The following SCN1B variants were observed in gnomAD, a reference collection of about 807,000 sequenced individuals.
SCN1B encodes the protein sodium channel regulatory subunit beta-1.
A neutral mutation model predicts 25.7 loss-of-function variants in SCN1B; 11 were observed. The observed-to-expected ratio is 0.43, with a 90% CI of 0.27 to 0.71. SCN1B has a LOEUF of 0.71. Among genes scored for constraint, SCN1B ranks in the 30% least tolerant of loss-of-function variants. The probability of loss-of-function intolerance (pLI) is 0.21; values close to 1 mark genes in which losing one functional copy is unlikely to be tolerated. For synonymous variants in SCN1B, 119 were observed against 117.5 expected (o/e 1.01, Z -0.08); for missense variants, 224 against 291.5 (o/e 0.77, Z 1.69).
At chr19:35,033,150 T>A (rs1222896456) in intron 2 of SCN1B, among the ~76,000 whole-genome samples, 1 of 152,108 alleles carries the variant, frequency 6.6e-6, no homozygotes, top group Non-Finnish European at 1.5e-5. Flanking sequence ...AGTTGGGGTC[T>A]CCAGCTGCTG....
chr19:35,040,051 G>A lies in SCN1B; in HGVS notation c.*260G>A, dbSNP rs986308220. 8.8e-6 allele frequency: 3 copies of A among 340,836 alleles called. No individual in the cohort carries two copies. The highest frequency in any genetic ancestry group is 6.2e-5 in the East Asian group (1 of 16,028). The allele number at this position is 340,836 out of a possible 1,614,324, so 21.1% of individuals were successfully genotyped here. A position where few individuals can be genotyped will look rare whatever the true frequency, so the allele number is the denominator to read the frequency against. ...CTGCCGCTGCCCCCACCCTGCTTCT[G>A]CTGCCTGTTTGGGGAGGGGGGCGGT... On this transcript the variant is annotated 3_prime_UTR_variant, in exon 6 of 6. Transcript: ENST00000262631.
chr19:35,039,449 C>A, intron 4 of SCN1B, 186 bp from the exon 5 acceptor site: 1 of 982,980 alleles, frequency 1.0e-6, no homozygotes. Flanking sequence ...TTCCTCCCTC[C>A]AACTCAGGAG....
Position 35,032,473 on chromosome 19 carries a change from GC to G in SCN1B, c.41-54del. ...GAACAGATGGTTTGTGAGGGGTCTG[GC>G]ATTGCTTAGGGCAATGGGTGCCTCT... On this transcript the variant is annotated intron_variant, in intron 1 of 5. Transcript: ENST00000262631. This position sits in a 1 kb window ranked among gnomAD's most constrained non-coding sequence, Gnocchi z 4.3. 4 of 1,593,318 alleles carry G rather than the reference GC, an allele frequency of 2.5e-6. No homozygotes were observed. The highest frequency in any genetic ancestry group is 3.4e-6 in the Non-Finnish European group (4 of 1,166,326).
chr19:35,039,806 C>CCCGCCTCAAGGAAGAGCCAG lies in SCN1B; in HGVS notation c.*19_*38dup. 3 of 1,261,018 alleles carry CCCGCCTCAAGGAAGAGCCAG rather than the reference C, an allele frequency of 2.4e-6. No individual in the cohort carries two copies. Among genetic ancestry groups the CCCGCCTCAAGGAAGAGCCAG allele is most frequent in the Non-Finnish European group, 3.4e-6 (3 of 887,362 alleles). 78.1% of individuals were successfully genotyped at this position (1,261,018 alleles called of 1,614,324 possible). ...TCTTGCTCCCCTTCAGGCCCTGGGC[C>CCCGCCTCAAGGAAGAGCCAG]CCGCCTCAAGGAAGAGCCAGCCGTA... On this transcript the variant is annotated 3_prime_UTR_variant, in exon 6 of 6. Coordinates refer to ENST00000262631, the MANE Select transcript of SCN1B (RefSeq NM_001037.5).
intron 4 of SCN1B, 88 bp downstream of exon 4, chr19:35,039,346 G>A: frequency 6.3e-7 from 1 of 1,576,762 alleles, no homozygotes; most frequent in Non-Finnish European, 8.6e-7. Flanking sequence ...CAGGGAGGAG[G>A]CAGCGGAGCG....
chr19:35,039,536 C>T (rs759144977), intron 4 of SCN1B, 99 bp from the exon 5 acceptor site: 13 of 1,214,520 alleles, frequency 1.1e-5, no homozygotes, highest in Admixed American at 9.0e-5. Context: ...ACTAAGGAGC[C>T]CTGTGTACCT....
At position 35,033,870 on chromosome 19, in the gene SCN1B, G is replaced by A. The variant is rs2151746593; in HGVS notation, c.448+131G>A. On this transcript the variant is annotated intron_variant, in intron 3 of 5. Transcript: ENST00000262631. Reference sequence around the variant, plus strand: ...CCAACCGCCCACAGCAGCGGGCTGAGGGGGAGGGGAGCAGCCCCTCCTGCC... The same window carrying A: ...CCAACCGCCCACAGCAGCGGGCTGAAGGGGAGGGGAGCAGCCCCTCCTGCC... 3 of 1,607,874 alleles carry A rather than the reference G, an allele frequency of 1.9e-6. No individual in the cohort carries two copies. Among genetic ancestry groups the A allele is most frequent in the African/African-American group, 2.7e-5 (2 of 74,898 alleles).
At chr19:35,034,340 G>A in intron 3 of SCN1B, 2 of 627,138 alleles carry the variant, frequency 3.2e-6, no homozygotes, top group Non-Finnish European at 2.7e-6. Flanking sequence ...AACACCTCTG[G>A]GGCGGGCCTA....
intron 3 of SCN1B, chr19:35,034,001 G>A (rs1388559964): frequency 1.3e-6 from 2 of 1,550,120 alleles, no homozygotes; most frequent in East Asian, 2.4e-5. Flanking sequence ...CACCTGTGCT[G>A]TATGACCTCT....
chr19:35,037,004 AC>A (rs1260616134), intron 3 of SCN1B: 1 of 152,104 alleles, frequency 6.6e-6, no homozygotes, highest in Non-Finnish European at 1.5e-5. Flanking sequence ...TGATTCACCC[AC>A]CTTGGCCTCC....
chr19:35,030,724 C>G lies in SCN1B; in HGVS notation c.-97C>G. ...GCCGCAGCTGCTGCGCCCGCGCGCT[C>G]CCGGGGACATTCTAACCGCCGCCAG... On this transcript the variant is annotated 5_prime_UTR_variant, in exon 1 of 6. Transcript: ENST00000262631. 5.2e-6 allele frequency: 2 copies of G among 386,476 alleles called. No individual in the cohort carries two copies. The highest frequency in any genetic ancestry group is 9.6e-6 in the Non-Finnish European group (2 of 208,546). 23.9% of individuals were successfully genotyped at this position (386,476 alleles called of 1,614,324 possible).
chr19:35,032,759 G>C lies in SCN1B; in HGVS notation c.207+65G>C, dbSNP rs2064222686. ...CCACGAGTGGGAGGCGGTGGGGCTGGATCTCAGGGAGGGGGCTTATTTGTT... is the reference window on the plus strand; with the variant it reads ...CCACGAGTGGGAGGCGGTGGGGCTGCATCTCAGGGAGGGGGCTTATTTGTT... On this transcript the variant is annotated intron_variant, in intron 2 of 5. Coordinates refer to ENST00000262631, the MANE Select transcript of SCN1B (RefSeq NM_001037.5). This position sits in a 1 kb window ranked among gnomAD's most constrained non-coding sequence, Gnocchi z 4.3. The C allele has an allele frequency of 6.4e-7, 1 of 1,555,498 alleles. No individual in the cohort carries two copies. Among genetic ancestry groups the C allele is most frequent in the African/African-American group, 1.4e-5 (1 of 73,846 alleles).
At chr19:35,034,167 C>T (rs2064234261) in intron 3 of SCN1B, 1 of 1,548,072 alleles carries the variant, frequency 6.5e-7, no homozygotes, top group Admixed American at 2.0e-5. Flanking sequence ...TCCAGCAGAG[C>T]CTTGCAGGTG....
Position 35,039,821 on chromosome 19 carries a change from A to G in SCN1B, c.*30A>G. The G allele has an allele frequency of 9.1e-7, 1 of 1,101,098 alleles. No individual in the cohort carries two copies. Among genetic ancestry groups the G allele is most frequent in the Non-Finnish European group, 1.3e-6 (1 of 750,586 alleles). 68.2% of individuals were successfully genotyped at this position (1,101,098 alleles called of 1,614,324 possible). ...GGCCCTGGGCCCCGCCTCAAGGAAGAGCCAGCCGTAATGGGGACTCTCCAG... is the reference window on the plus strand; with the variant it reads ...GGCCCTGGGCCCCGCCTCAAGGAAGGGCCAGCCGTAATGGGGACTCTCCAG... On this transcript the variant is annotated 3_prime_UTR_variant, in exon 6 of 6. Transcript: ENST00000262631.
chr19:35,039,497 A>T, intron 4 of SCN1B, 138 bp from the exon 5 acceptor site: 3 of 1,007,752 alleles, frequency 3.0e-6, no homozygotes, highest in Non-Finnish European at 4.6e-6. Context: ...GACCCTGAGG[A>T]GTCCACCCAT....
chr19:35,036,924 C>G (rs2064251907), intron 3 of SCN1B: 1 of 151,510 alleles, frequency 6.6e-6, no homozygotes, highest in Non-Finnish European at 1.5e-5. Flanking sequence ...CCGGCTAATT[C>G]TTTTGTATTT....
intron 3 of SCN1B, chr19:35,034,410 C>T (rs916986753): frequency 9.6e-6 from 4 of 417,518 alleles, no homozygotes; most frequent in African/African-American, 4.0e-5. Flanking sequence ...GGGGCCCACC[C>T]TCTGAGCAGC....
intron 3 of SCN1B, chr19:35,036,362 CATT>C (rs1353938703): frequency 6.6e-6 from 1 of 152,176 alleles, no homozygotes; most frequent in East Asian, 1.9e-4. Context: ...TAACATGACT[CATT>C]GTGCTATTGT....
chr19:35,032,348 G>A lies in SCN1B; in HGVS notation c.41-180G>A, dbSNP rs2064219063. On this transcript the variant is annotated intron_variant, in intron 1 of 5. Transcript: ENST00000262631. This position sits in a 1 kb window ranked among gnomAD's most constrained non-coding sequence, Gnocchi z 4.3. ...ACCATTTCTTTCAACAAGAGAGAGG[G>A]AAACTGAGACTCAGGGATGAATGAC... is the stretch of plus-strand genomic sequence containing the variant. Among the ~76,000 whole-genome samples, 1 of 152,258 alleles carries A rather than the reference G, an allele frequency of 6.6e-6. No homozygotes were observed. Among genetic ancestry groups the A allele is most frequent in the African/African-American group, 2.4e-5 (1 of 41,468 alleles).
Sources: gnomAD v4.1 joint callset for allele counts (sites outside exome capture counted in the v4.1 genomes callset) on GRCh38, gnomAD v4.1.1 for gene constraint, Gnocchi (gnomAD v3.1) non-coding constraint, MANE v1.5 for transcripts, NCBI Gene and HGNC (gene_info 2026-07-23, HGNC 2026-07-21) for gene names.